CACNG2: variants seen among roughly 807,000 people sequenced by gnomAD.
CACNG2 encodes voltage-dependent calcium channel gamma-2 subunit.
CACNG2 carries 3 observed loss-of-function variants against 25.9 expected under a neutral mutation model. That is an observed-to-expected ratio of 0.12 (90% confidence interval 0.05 to 0.30). CACNG2 has a LOEUF of 0.30. CACNG2 is among the 10% of genes least tolerant of loss of function. The pLI, the probability that CACNG2 is intolerant of heterozygous loss-of-function variation, is 1.00. For missense variants in CACNG2, 341 were observed against 432.5 expected (o/e 0.79, Z 1.88); for synonymous variants, 167 against 173.3 (o/e 0.96, Z 0.29).
intron 1 of CACNG2, among the ~76,000 whole-genome samples, chr22:36,602,539 C>A (rs752051061): frequency 6.6e-6 from 1 of 152,056 alleles, no homozygotes; most frequent in African/African-American, 2.4e-5. Context: ...GCACCCGCCA[C>A]CACGCCCAGC....
chr22:36,643,474 G>GTCTGTCTATCTATCTA (rs561518849), intron 1 of CACNG2, among the ~76,000 whole-genome samples: 2 of 149,134 alleles, frequency 1.3e-5, no homozygotes, highest in African/African-American at 5.0e-5. Flanking sequence ...CTATCTGTCT[G>GTCTGTCTATCTATCTA]TCTATCTATC....
chr22:36,574,209 G>C (rs1935277622), intron 2 of CACNG2, among the ~76,000 whole-genome samples: 2 of 152,222 alleles, frequency 1.3e-5, no homozygotes, highest in African/African-American at 2.4e-5. Context: ...AACGGATTAC[G>C]AAGGGGTCAA....
intron 1 of CACNG2, among the ~76,000 whole-genome samples, chr22:36,629,520 G>C (rs559316940): frequency 5.3e-5 from 8 of 152,102 alleles, no homozygotes; most frequent in African/African-American, 1.9e-4. Context: ...GTGTGTGTGT[G>C]TGTTCGTGTG....
At position 36,679,197 on chromosome 22, in the gene CACNG2, CCTTTCTTTCTTT is replaced by C. The variant is rs1241104277; in HGVS notation, c.211+23157_211+23168del. On this transcript the variant is annotated intron_variant, in intron 1 of 3. Transcript: ENST00000300105. Reference sequence around the variant, plus strand: ...TCCTTCCTTCCTTCCTTCCTTCCTTCCTTTCTTTCTTTCTTTCTTTCTTTCTTTCTTTCCTTC... The same window carrying C: ...TCCTTCCTTCCTTCCTTCCTTCCTTCCTTTCTTTCTTTCTTTCTTTCCTTC... 5.7e-3 allele frequency among the ~76,000 whole-genome samples: 314 copies of C among 54,798 alleles called. 1 individual carries two copies. Among genetic ancestry groups the C allele is most frequent in the African/African-American group, 0.021 (299 of 14,472 alleles). 35.9% of individuals were successfully genotyped at this position (54,798 alleles called of 152,430 possible). A position where few individuals can be genotyped will look rare whatever the true frequency, so the allele number is the denominator to read the frequency against.
At chr22:36,654,217 T>C (rs547404064) in intron 1 of CACNG2, among the ~76,000 whole-genome samples, 18 of 152,200 alleles carry the variant, frequency 1.2e-4, no homozygotes, top group South Asian at 4.1e-4. Context: ...AATCTGTTTG[T>C]ACTAAGAATG....
chr22:36,568,774 C>T (rs994036195), intron 2 of CACNG2, among the ~76,000 whole-genome samples: 2 of 151,996 alleles, frequency 1.3e-5, no homozygotes, highest in African/African-American at 4.8e-5. Flanking sequence ...GCATAGTCTA[C>T]ACTGCTCACA....
At chr22:36,693,529 C>A (rs1002077654) in intron 1 of CACNG2, among the ~76,000 whole-genome samples, 3 of 152,170 alleles carry the variant, frequency 2.0e-5, no homozygotes, top group African/African-American at 7.2e-5. Context: ...GTGGAAAAGC[C>A]AGTTGTGATG....
chr22:36,661,690 G>T (rs1015302308), intron 1 of CACNG2, among the ~76,000 whole-genome samples: 1 of 152,200 alleles, frequency 6.6e-6, no homozygotes, highest in African/African-American at 2.4e-5. Context: ...GAGACTGACA[G>T]TCCCCTAGCT....
At chr22:36,694,743 T>C (rs913706695) in intron 1 of CACNG2, among the ~76,000 whole-genome samples, 2 of 152,178 alleles carry the variant, frequency 1.3e-5, no homozygotes, top group African/African-American at 4.8e-5. Flanking sequence ...AGGAACTTGT[T>C]CACCACTGCC....
Position 36,577,002 on chromosome 22 carries a change from A to T in CACNG2, c.295+10463T>A, listed in dbSNP as rs188158529. On this transcript the variant is annotated intron_variant, in intron 2 of 3. Coordinates refer to ENST00000300105, the MANE Select transcript of CACNG2 (RefSeq NM_006078.5). The stretch of plus-strand genomic sequence containing the variant: ...GGATACATCCCTGCTTCCTGCTGTC[A>T]GTAGAGATTGGTGACCAGTCGCACA... 7.9e-5 allele frequency among the ~76,000 whole-genome samples: 12 copies of T among 152,216 alleles called. No individual in the cohort carries two copies. In the East Asian group the frequency reaches 2.1e-3, roughly 27 times the overall value.
chr22:36,683,143 C>A (rs1363921964), intron 1 of CACNG2, among the ~76,000 whole-genome samples: 1 of 152,168 alleles, frequency 6.6e-6, no homozygotes, highest in Non-Finnish European at 1.5e-5. Flanking sequence ...GCTGTATAGA[C>A]AAGATATTCT....
chr22:36,670,102 C>G (rs1449065317), intron 1 of CACNG2, among the ~76,000 whole-genome samples: 1 of 152,148 alleles, frequency 6.6e-6, no homozygotes, highest in Non-Finnish European at 1.5e-5. Flanking sequence ...ATAAGATTCC[C>G]CTTACAAACT....
At chr22:36,686,540 TG>T (rs1937200795) in intron 1 of CACNG2, among the ~76,000 whole-genome samples, 2 of 152,292 alleles carry the variant, frequency 1.3e-5, no homozygotes, top group African/African-American at 4.8e-5. Flanking sequence ...CTCCCAGAGC[TG>T]GGGATTCTAT....
At chr22:36,573,419 C>T (rs1935265190) in intron 2 of CACNG2, among the ~76,000 whole-genome samples, 2 of 152,142 alleles carry the variant, frequency 1.3e-5, no homozygotes, top group Non-Finnish European at 1.5e-5. Context: ...TAACCTCTGC[C>T]TCCTGGGTTT....
intron 1 of CACNG2, among the ~76,000 whole-genome samples, chr22:36,701,357 T>C (rs968165257): frequency 3.9e-5 from 6 of 152,078 alleles, no homozygotes; most frequent in Admixed American, 2.6e-4. Flanking sequence ...CCACAGGAGT[T>C]TTTTTTTCTG....
At chr22:36,584,551 C>T (rs1555893801) in intron 2 of CACNG2, 1 of 152,182 alleles carries the variant, frequency 6.6e-6, no homozygotes, top group Non-Finnish European at 1.5e-5. Context: ...AGGCACTGGC[C>T]CTCTTTATTT....
chr22:36,647,776 C>T (rs886528315), intron 1 of CACNG2, among the ~76,000 whole-genome samples: 7 of 152,218 alleles, frequency 4.6e-5, no homozygotes, highest in Admixed American at 3.3e-4. Flanking sequence ...CAGGTCATCC[C>T]TCTCTCTCCA....
intron 1 of CACNG2, among the ~76,000 whole-genome samples, chr22:36,591,626 T>C (rs1396731043): frequency 2.0e-5 from 3 of 152,050 alleles, no homozygotes; most frequent in Non-Finnish European, 2.9e-5. Context: ...TGAGCTAGGA[T>C]AGCACCACTG....
At chr22:36,652,893 G>A (rs908934949) in intron 1 of CACNG2, among the ~76,000 whole-genome samples, 2 of 152,174 alleles carry the variant, frequency 1.3e-5, no homozygotes, top group Admixed American at 1.3e-4. Context: ...CATGTTAATG[G>A]CATTAGGACT....
Sources: gnomAD v4.1 joint callset for allele counts (sites outside exome capture counted in the v4.1 genomes callset) on GRCh38, gnomAD v4.1.1 for gene constraint, MANE v1.5 for transcripts, NCBI Gene and HGNC (gene_info 2026-07-23, HGNC 2026-07-21) for gene names.